Variants in ANXA10 observed in about 807,000 individuals in gnomAD.
The protein encoded by ANXA10 is annexin 14.
A neutral mutation model predicts 53.5 loss-of-function variants in ANXA10; 49 were observed. The ratio of observed to expected loss-of-function variants is 0.92; its 90% confidence interval spans 0.73 to 1.16. The LOEUF (loss-of-function observed/expected upper bound fraction) is 1.16. ANXA10 is among the 50% of genes most tolerant of loss of function. ANXA10 has a pLI of 0.00. For missense variants in ANXA10, 393 were observed against 394.4 expected, an observed-to-expected ratio of 1.00 and a Z score of 0.03; for synonymous variants, 131 against 128.9, an observed-to-expected ratio of 1.02 and a Z score of -0.11.
chr4:168,154,438 A>C (rs1731565105), intron 3 of ANXA10, among the ~76,000 whole-genome samples: 1 of 152,184 alleles, frequency 6.6e-6, no homozygotes, highest in South Asian at 2.1e-4. Flanking sequence ...ATATGCACAT[A>C]TATTTATCAT....
At chr4:168,171,247 A>G (rs1399521014) in intron 6 of ANXA10, among the ~76,000 whole-genome samples, 1 of 152,170 alleles carries the variant, frequency 6.6e-6, no homozygotes, top group Non-Finnish European at 1.5e-5. Flanking sequence ...CTAGTGGGTA[A>G]CTGTGGGGCA....
At chr4:168,130,856 G>A (rs550123679) in intron 2 of ANXA10, among the ~76,000 whole-genome samples, 365 of 151,104 alleles carry the variant, frequency 2.4e-3, no homozygotes, top group African/African-American at 8.4e-3. Flanking sequence ...CTCTGTCTCT[G>A]TCTCTCTCTC....
At chr4:168,105,316 G>A (rs1481570623) in intron 1 of ANXA10, among the ~76,000 whole-genome samples, 2 of 151,758 alleles carry the variant, frequency 1.3e-5, no homozygotes, top group African/African-American at 4.8e-5. Flanking sequence ...CCTTCTATAT[G>A]TCCATGTGTT....
At chr4:168,160,509 C>A (rs544652158) in intron 3 of ANXA10, among the ~76,000 whole-genome samples, 1 of 152,008 alleles carries the variant, frequency 6.6e-6, no homozygotes, top group African/African-American at 2.4e-5. Flanking sequence ...AATAGTGCTG[C>A]GATGAACATA....
intron 3 of ANXA10, among the ~76,000 whole-genome samples, chr4:168,143,294 T>C (rs150932358): frequency 1.2e-3 from 190 of 152,328 alleles, no homozygotes; most frequent in African/African-American, 4.0e-3. Flanking sequence ...AACCCCTATG[T>C]TAATCAATGG....
chr4:168,110,404 C>T (rs138816264), intron 1 of ANXA10, among the ~76,000 whole-genome samples: 13 of 151,368 alleles, frequency 8.6e-5, no homozygotes, highest in African/African-American at 3.1e-4. Context: ...TGCCTTCCAC[C>T]CATATTAACG....
chr4:168,184,534 T>A, intron 10 of ANXA10, 25 bp from the exon 11 acceptor site: 1 of 1,612,510 alleles, frequency 6.2e-7, no homozygotes, highest in African/African-American at 1.3e-5. Flanking sequence ...TCTTCTCATT[T>A]CTCCCACTTT....
At chr4:168,114,135 T>C (rs1433324027) in intron 1 of ANXA10, among the ~76,000 whole-genome samples, 1 of 152,238 alleles carries the variant, frequency 6.6e-6, no homozygotes, top group Non-Finnish European at 1.5e-5. Flanking sequence ...GTTTTTTCCA[T>C]TAATATTATC....
intron 10 of ANXA10, among the ~76,000 whole-genome samples, chr4:168,183,879 A>T (rs1382850118): frequency 6.6e-6 from 1 of 152,184 alleles, no homozygotes; most frequent in Non-Finnish European, 1.5e-5. Context: ...TTCAAAAATC[A>T]GATTCTGTTT....
Position 168,177,958 on chromosome 4 carries a change from C to G in ANXA10, c.603C>G (p.Asn201Lys), listed in dbSNP as rs769998188. The change falls in exon 8 of 12, where the codon AAC (asparagine) becomes AAG (lysine). Residue 201 changes from asparagine (N) to lysine (K), a missense_variant. Physicochemically the swap from Asn to Lys is moderately conservative, Grantham distance 94 (BLOSUM62 0). Transcript: ENST00000359299. The stretch of plus-strand genomic sequence containing the variant: ...CCATGCTGCAAATGATCCTGTGCAA[C>G]AAGAGCTACCAGCAGCTGCGGCTGG... ...HKTMLQMILC[N>K]KSYQQLRLVF... is the part of the protein sequence containing the mutation. 1 of 1,613,714 alleles carries G rather than the reference C, an allele frequency of 6.2e-7. No individual in the cohort carries two copies. Among genetic ancestry groups the G allele is most frequent in the East Asian group, 2.2e-5 (1 of 44,876 alleles).
intron 1 of ANXA10, among the ~76,000 whole-genome samples, chr4:168,114,522 T>C (rs931402933): frequency 2.0e-5 from 3 of 152,206 alleles, no homozygotes; most frequent in Admixed American, 6.5e-5. Flanking sequence ...TTTTAGCAAT[T>C]TTTAAAACTT....
intron 1 of ANXA10, among the ~76,000 whole-genome samples, chr4:168,124,596 G>A (rs949615819): frequency 2.4e-4 from 36 of 152,264 alleles, no homozygotes; most frequent in Middle Eastern, 3.4e-3. Context: ...TATCCTATGT[G>A]ATTCCTGCAT....
intron 3 of ANXA10, among the ~76,000 whole-genome samples, chr4:168,160,721 T>C (rs1205451705): frequency 6.6e-6 from 1 of 152,144 alleles, no homozygotes; most frequent in African/African-American, 2.4e-5. Context: ...CACCAACATC[T>C]GTGGTTTCTT....
At chr4:168,127,278 A>G (rs1490285126) in intron 1 of ANXA10, among the ~76,000 whole-genome samples, 1 of 152,184 alleles carries the variant, frequency 6.6e-6, no homozygotes, top group African/African-American at 2.4e-5. Flanking sequence ...GAGAGAATTT[A>G]GATAGAATGT....
chr4:168,155,525 AT>A (rs1731602928), intron 3 of ANXA10, among the ~76,000 whole-genome samples: 2 of 26,256 alleles, frequency 7.6e-5, no homozygotes, highest in Non-Finnish European at 1.3e-4. Flanking sequence ...ATATAATTAT[AT>A]AATATATAAT....
At chr4:168,156,425 A>T (rs1731684418) in intron 3 of ANXA10, among the ~76,000 whole-genome samples, 2 of 120,538 alleles carry the variant, frequency 1.7e-5, no homozygotes, top group Non-Finnish European at 3.3e-5. Flanking sequence ...TATTATATAT[A>T]CTATATAATA....
At chr4:168,137,149 T>C (rs927604621) in intron 2 of ANXA10, among the ~76,000 whole-genome samples, 1 of 152,204 alleles carries the variant, frequency 6.6e-6, no homozygotes, top group East Asian at 1.9e-4. Context: ...AAATATCAGA[T>C]GTTGCTCCCA....
At chr4:168,166,046 A>G (rs1731872859) in intron 6 of ANXA10, among the ~76,000 whole-genome samples, 1 of 152,204 alleles carries the variant, frequency 6.6e-6, no homozygotes, top group Non-Finnish European at 1.5e-5. Context: ...AGCTCCTACA[A>G]TGTGCCTAGT....
chr4:168,136,148 C>T lies in ANXA10; in HGVS notation c.101-3338C>T, dbSNP rs113562358. On this transcript the variant is annotated intron_variant, in intron 2 of 11. Coordinates refer to ENST00000359299, the MANE Select transcript of ANXA10 (RefSeq NM_007193.5). Reference sequence around the variant, plus strand: ...ATCTGCCCCCATGATCCAGTCACCTCCCACCAGGCCCCTCCTCCAACACTG... The same window carrying T: ...ATCTGCCCCCATGATCCAGTCACCTTCCACCAGGCCCCTCCTCCAACACTG... 6.7e-3 allele frequency among the ~76,000 whole-genome samples: 1,015 copies of T among 152,254 alleles called. 10 individuals carry two copies. Among genetic ancestry groups the T allele is most frequent in the African/African-American group, 0.023 (963 of 41,532 alleles).
Sources: allele counts gnomAD v4.1 joint callset (sites outside exome capture counted in the v4.1 genomes callset), GRCh38; gene constraint gnomAD v4.1.1; transcripts MANE v1.5; gene names NCBI Gene and HGNC (gene_info 2026-07-23, HGNC 2026-07-21).